The following THY1 variants were observed in gnomAD, a reference collection of about 807,000 sequenced individuals.
THY1 encodes thy-1 membrane glycoprotein.
In THY1, 10 loss-of-function variants were observed where a neutral mutation model predicts 14.9. The observed-to-expected ratio is 0.67, with a 90% CI of 0.41 to 1.14. THY1 has a LOEUF of 1.14. THY1 is among the 50% of genes most tolerant of loss of function. The pLI is 0.00. For missense variants in THY1, 159 were observed against 202.1 expected (o/e 0.79, Z 1.29); for synonymous variants, 80 against 90.0 (o/e 0.89, Z 0.63).
chr11:119,420,627 G>C (rs184888218), intron 2 of THY1: 2 of 631,714 alleles, frequency 3.2e-6, no homozygotes. Context: ...AGTTGATGCT[G>C]GTTCCGGGTT....
chr11:119,422,840 T>G lies in THY1; in HGVS notation c.-25+273A>C, dbSNP rs1369020283. Among the ~76,000 whole-genome samples, 2 of 152,146 alleles carry G rather than the reference T, an allele frequency of 1.3e-5. No individual in the cohort carries two copies. ...GGCTGTCCTTGGTGCCCTTCCTCCCTGTTCTCCAGCGCCCCAGCCCCAGAC... is the reference window on the plus strand; with the variant it reads ...GGCTGTCCTTGGTGCCCTTCCTCCCGGTTCTCCAGCGCCCCAGCCCCAGAC... On this transcript the variant is annotated intron_variant, in intron 1 of 3. Transcript: ENST00000284240. This position sits in a 1 kb window ranked among gnomAD's most constrained non-coding sequence, Gnocchi z 7.0.
chr11:119,416,002 G>T lies in THY1; in HGVS notation c.*3406C>A, dbSNP rs760372311. 2.6e-5 allele frequency among the ~76,000 whole-genome samples: 4 copies of T among 152,238 alleles called. No individual in the cohort carries two copies. The highest frequency in any genetic ancestry group is 6.5e-5 in the Admixed American group (1 of 15,280). ...GACATCAGGTTGAGGAGGCGGGAGG[G>T]ATGTGTGTCACAGGTCCCCGGACGC... On this transcript the variant is annotated 3_prime_UTR_variant, in exon 4 of 4. Transcript: ENST00000284240.
rs892322946 is a variant in THY1 at position 119,422,552 on chromosome 11, C to T, written c.-25+561G>A. The T allele has an allele frequency of 2.2e-5, 4 of 184,230 alleles. No individual in the cohort carries two copies. Among genetic ancestry groups the T allele is most frequent in the African/African-American group, 9.6e-5 (4 of 41,602 alleles). The allele number at this position is 184,230 out of a possible 1,614,324, so 11.4% of individuals were successfully genotyped here. A position where few individuals can be genotyped will look rare whatever the true frequency, so the allele number is the denominator to read the frequency against. ...ATCCATTTCCGTATTCCAATCCTCT[C>T]CTTTCCCAAATGAGTCCCCCTTCCC... On this transcript the variant is annotated intron_variant, in intron 1 of 3. Transcript: ENST00000284240. The surrounding 1 kb of genome is among the most constrained non-coding windows in gnomAD (Gnocchi z 7.0).
rs905047724 is a variant in THY1 at position 119,416,240 on chromosome 11, G to T, written c.*3168C>A. ...ATGGACTTAGGTGCTGAAGGGGGGG[G>T]ACCCAGGAAAGAGGTTAGGACTGGC... On this transcript the variant is annotated 3_prime_UTR_variant, in exon 4 of 4. Transcript: ENST00000284240. Among the ~76,000 whole-genome samples, 2 of 152,152 alleles carry T rather than the reference G, an allele frequency of 1.3e-5. No homozygotes were observed. The highest frequency in any genetic ancestry group is 1.9e-4 in the East Asian group (1 of 5,168).
At chr11:119,419,954 G>C in intron 3 of THY1, 97 bp downstream of exon 3, 1 of 1,280,734 alleles carries the variant, frequency 7.8e-7, no homozygotes, top group Non-Finnish European at 1.1e-6. Flanking sequence ...AGAGCGTTAT[G>C]GGGCTATTCT....
rs191492757 is a variant in THY1, at chr11:119,415,872, C to T, written c.*3536G>A. Reference sequence around the variant, plus strand: ...AGGACTCTCTGAAGGACTCCAGCTCCAACATTTTCTCACTAGTAAATGAGA... The same window carrying T: ...AGGACTCTCTGAAGGACTCCAGCTCTAACATTTTCTCACTAGTAAATGAGA... On this transcript the variant is annotated 3_prime_UTR_variant, in exon 4 of 4. Transcript: ENST00000284240. 1.3e-5 allele frequency among the ~76,000 whole-genome samples: 2 copies of T among 152,232 alleles called. No homozygotes were observed. The highest frequency in any genetic ancestry group is 3.9e-4 in the East Asian group (2 of 5,184).
chr11:119,420,278 T>C lies in THY1; in HGVS notation c.146A>G (p.Gln49Arg). ...RHENTSSSPIQYEFSLTRETK... is the reference protein window; with the variant it reads ...RHENTSSSPIRYEFSLTRETK... ...CTCACGGGTCAGGCTGAACTCGTAC[T>C]GGATGGGTGAACTGCTGGTATTCTC... Residue 49 changes from glutamine to arginine, a missense_variant, in exon 3 of 4, where the codon CAG (glutamine) becomes CGG (arginine). Physicochemically the swap from Gln to Arg is conservative, Grantham distance 43. Transcript: ENST00000284240. 1.2e-6 allele frequency: 2 copies of C among 1,614,278 alleles called. No individual in the cohort carries two copies. The highest frequency in any genetic ancestry group is 2.2e-5 in the East Asian group (1 of 44,888).
In THY1 at chr11:119,422,338, T is replaced by C. The variant is rs1861923611; in HGVS notation, c.-25+775A>G. ...GATCTAGGAGGGGAAGGGGGAGCAA[T>C]GGCCAGAGCAAGAAAGGGAAGAAAT... On this transcript the variant is annotated intron_variant, in intron 1 of 3. Transcript: ENST00000284240. This position sits in a 1 kb window ranked among gnomAD's most constrained non-coding sequence, Gnocchi z 7.0. The C allele has an allele frequency of 1.3e-5, 2 of 151,934 alleles. No individual in the cohort carries two copies. The highest frequency in any genetic ancestry group is 2.4e-5 in the African/African-American group (1 of 41,252). The allele number at this position is 151,934 out of a possible 1,614,324, so 9.4% of individuals were successfully genotyped here.
In THY1 at chr11:119,420,896, C is replaced by T; in HGVS notation, c.10G>A (p.Ala4Thr). The change falls in exon 2 of 4, where the codon GCC (alanine) becomes ACC (threonine). Residue 4 changes from alanine to threonine, a missense_variant. Ala to Thr is a moderately conservative substitution (Grantham distance 58, BLOSUM62 0). Coordinates refer to ENST00000284240, the MANE Select transcript of THY1 (RefSeq NM_006288.5). ...GTTAGCAGGAGAGCGATGCTGATGG[C>T]CAGGTTCATGGTTCTGGGATCTCAG... MNL[A>T]ISIALLLTVL... 1.9e-6 allele frequency: 3 copies of T among 1,614,120 alleles called. No individual in the cohort carries two copies. The highest frequency in any genetic ancestry group is 2.5e-6 in the Non-Finnish European group (3 of 1,180,006).
chr11:119,416,356 C>T lies in THY1; in HGVS notation c.*3052G>A, dbSNP rs1281543738. On this transcript the variant is annotated 3_prime_UTR_variant, in exon 4 of 4. Coordinates refer to ENST00000284240, the MANE Select transcript of THY1 (RefSeq NM_006288.5). ...ATAATTACCTGAGTCACCACAGATA[C>T]CCCACAGCCTCCACAAGGCCTGCTG... Among the ~76,000 whole-genome samples the T allele has an allele frequency of 6.6e-6, 1 of 152,212 alleles. No individual in the cohort carries two copies. Among genetic ancestry groups the T allele is most frequent in the Admixed American group, 6.5e-5 (1 of 15,280 alleles).
chr11:119,420,633 G>A (rs888432218), intron 2 of THY1: 6 of 638,160 alleles, frequency 9.4e-6, no homozygotes, highest in Admixed American at 8.8e-5. Context: ...TGCTGGTTCC[G>A]GGTTCTCAGT....
upstream of THY1, chr11:119,423,995 C>T (rs1010803010): frequency 6.6e-6 from 1 of 152,344 alleles, no homozygotes; most frequent in Admixed American, 6.5e-5. Flanking sequence ...AACCCATGGC[C>T]GCCTGCTGGG....
upstream of THY1, chr11:119,423,562 G>C (rs1281217755): frequency 4.7e-6 from 1 of 214,638 alleles, no homozygotes; most frequent in Non-Finnish European, 9.4e-6. Flanking sequence ...GATGCAGGCC[G>C]GGAGCGCCCA....
At position 119,421,277 on chromosome 11, in the gene THY1, TA is replaced by T. The variant is rs3834923; in HGVS notation, c.-24-349del. ...CCTATGAGGGCTGAGGCTTCGTATT[TA>T]AAAAAAAAATTTAATCGTGGTAAAA... On this transcript the variant is annotated intron_variant, in intron 1 of 3. Transcript: ENST00000284240. 717 of 187,044 alleles carry T rather than the reference TA, an allele frequency of 3.8e-3. 6 individuals carry two copies. The highest frequency in any genetic ancestry group is 0.032 in the East Asian group (245 of 7,588). The allele number at this position is 187,044 out of a possible 1,614,324, so 11.6% of individuals were successfully genotyped here. A position where few individuals can be genotyped will look rare whatever the true frequency, so the allele number is the denominator to read the frequency against.
rs1382533232 is a variant in THY1 at position 119,415,949 on chromosome 11, C to T, written c.*3459G>A. ...TGTTTCACATGTAAAGACACCTTCA[C>T]AGCACGAAAGCTGCAGATTCAGAGA... On this transcript the variant is annotated 3_prime_UTR_variant, in exon 4 of 4. Coordinates refer to ENST00000284240, the MANE Select transcript of THY1 (RefSeq NM_006288.5). Among the ~76,000 whole-genome samples, 2 of 152,202 alleles carry T rather than the reference C, an allele frequency of 1.3e-5. No homozygotes were observed. Among genetic ancestry groups the T allele is most frequent in the Non-Finnish European group, 2.9e-5 (2 of 68,042 alleles).
In THY1 at chr11:119,422,774, G is replaced by A. The variant is rs1861934699; in HGVS notation, c.-25+339C>T. 1.3e-5 allele frequency among the ~76,000 whole-genome samples: 2 copies of A among 152,100 alleles called. No homozygotes were observed. Among genetic ancestry groups the A allele is most frequent in the East Asian group, 1.9e-4 (1 of 5,168 alleles). On this transcript the variant is annotated intron_variant, in intron 1 of 3. Coordinates refer to ENST00000284240, the MANE Select transcript of THY1 (RefSeq NM_006288.5). The surrounding 1 kb of genome is among the most constrained non-coding windows in gnomAD (Gnocchi z 7.0). Reference sequence around the variant, plus strand: ...CATCCGTCCTCCTCCCCGCCTCTGCGAGCTGGGTTTGGGGACGTCTGGGTG... The same window carrying A: ...CATCCGTCCTCCTCCCCGCCTCTGCAAGCTGGGTTTGGGGACGTCTGGGTG...
Position 119,417,886 on chromosome 11 carries a change from C to T in THY1, c.*1522G>A, listed in dbSNP as rs1861808396. 1 of 152,322 alleles carries T rather than the reference C, an allele frequency of 6.6e-6. No individual in the cohort carries two copies. Among genetic ancestry groups the T allele is most frequent in the African/African-American group, 2.4e-5 (1 of 41,474 alleles). 9.4% of individuals were successfully genotyped at this position (152,322 alleles called of 1,614,324 possible). A position where few individuals can be genotyped will look rare whatever the true frequency, so the allele number is the denominator to read the frequency against. ...CAAAGCCACTTGTGCATTCCAGAGC[C>T]AGGGCCATGTGGTTCGGCCCACATG... On this transcript the variant is annotated 3_prime_UTR_variant, in exon 4 of 4. Transcript: ENST00000284240.
rs1022249183 is a variant in THY1, at chr11:119,417,965, G to A, written c.*1443C>T. On this transcript the variant is annotated 3_prime_UTR_variant, in exon 4 of 4. Coordinates refer to ENST00000284240, the MANE Select transcript of THY1 (RefSeq NM_006288.5). ...GTGAGTCAGCAGACATGGGATGTTCGTTTATTTGGGCAAATGTGTCTCGTT... is the reference window on the plus strand; with the variant it reads ...GTGAGTCAGCAGACATGGGATGTTCATTTATTTGGGCAAATGTGTCTCGTT... 1 of 152,250 alleles carries A rather than the reference G, an allele frequency of 6.6e-6. No individual in the cohort carries two copies. The highest frequency in any genetic ancestry group is 2.4e-5 in the African/African-American group (1 of 41,440). The allele number at this position is 152,250 out of a possible 1,614,324, so 9.4% of individuals were successfully genotyped here.
In THY1 at chr11:119,421,223, A is replaced by C. The variant is rs1350231133; in HGVS notation, c.-24-294T>G. 32 of 313,268 alleles carry C rather than the reference A, an allele frequency of 1.0e-4. No homozygotes were observed. The Admixed American group carries it at 1.5e-3, about 15-fold the overall frequency. 19.4% of individuals were successfully genotyped at this position (313,268 alleles called of 1,614,324 possible). On this transcript the variant is annotated intron_variant, in intron 1 of 3. Transcript: ENST00000284240. ...CTTTACCACTCTTTCTCCTCTTCTT[A>C]CATTAACATAGTGTATGGTAATATA...
Sources: allele counts gnomAD v4.1 joint callset (sites outside exome capture counted in the v4.1 genomes callset), GRCh38; gene constraint gnomAD v4.1.1; non-coding constraint Gnocchi (gnomAD v3.1); transcripts MANE v1.5; gene names NCBI Gene and HGNC (gene_info 2026-07-23, HGNC 2026-07-21).